The following HEATR4 variants were observed in gnomAD, a reference collection of about 807,000 sequenced individuals.
The protein encoded by HEATR4 is HEAT repeat containing 4.
HEATR4 carries 95 observed loss-of-function variants against 108.8 expected under a neutral mutation model. The ratio of observed to expected loss-of-function variants is 0.87; its 90% CI spans 0.74 to 1.04. HEATR4 has a LOEUF of 1.04. HEATR4 is among the 50% of genes least tolerant of loss of function. The pLI is 0.00. For missense variants in HEATR4, 1,152 were observed against 1,253.8 expected, an observed-to-expected ratio of 0.92 and a Z score of 1.23; for synonymous variants, 443 against 459.4, an observed-to-expected ratio of 0.96 and a Z score of 0.46.
In HEATR4 at chr14:73,498,858, TTTAAC is replaced by T. The variant is rs780748065; in HGVS notation, c.2356+208_2356+212del. On this transcript the variant is annotated intron_variant, in intron 13 of 17. Coordinates refer to ENST00000553558, the MANE Select transcript of HEATR4 (RefSeq NM_001220484.1). ...CAGGGACTGTCTTGTCAGCCCTTTC[TTTAAC>T]TTAAGTTTGACATATACCTAGACTC... Among the ~76,000 whole-genome samples, 8 of 152,332 alleles carry T rather than the reference TTTAAC, an allele frequency of 5.3e-5. No homozygotes were observed. The East Asian group carries it at 7.7e-4, about 15-fold the overall frequency.
intron 3 of HEATR4, 41 bp downstream of exon 3, chr14:73,522,231 A>C: frequency 6.3e-7 from 1 of 1,583,446 alleles, no homozygotes; most frequent in Non-Finnish European, 8.6e-7. Flanking sequence ...AAGGGGAGTC[A>C]GGGATTATCA....
chr14:73,486,713 A>G (rs1476199611), intron 17 of HEATR4, among the ~76,000 whole-genome samples: 1 of 152,134 alleles, frequency 6.6e-6, no homozygotes, highest in Non-Finnish European at 1.5e-5. Context: ...AAAAAAAGAA[A>G]GGAACTTATA....
chr14:73,577,446 C>T, the HEATR4 span, among the ~76,000 whole-genome samples: 1 of 138,048 alleles, frequency 7.2e-6, no homozygotes. Context: ...GCTCTGAAAA[C>T]TCTTAGAGAT....
At chr14:73,574,036 ATTT>A in the HEATR4 span, among the ~76,000 whole-genome samples, 1 of 148,020 alleles carries the variant, frequency 6.8e-6, no homozygotes, top group African/African-American at 2.5e-5. Context: ...TAATATTTGT[ATTT>A]TTTTTTTTTT....
chr14:73,578,132 T>C, the HEATR4 span, among the ~76,000 whole-genome samples: 1 of 151,868 alleles, frequency 6.6e-6, no homozygotes, highest in African/African-American at 2.4e-5. Flanking sequence ...ATTATAGGCG[T>C]GAGCCACCGC....
chr14:73,568,302 A>G, the HEATR4 span, among the ~76,000 whole-genome samples: 1 of 151,874 alleles, frequency 6.6e-6, no homozygotes, highest in Non-Finnish European at 1.5e-5. Context: ...CAGGTAGGAA[A>G]TTATAAAATC....
rs992004025 is a variant in HEATR4, at chr14:73,491,648, G to A, written c.2844+1418C>T. 8 of 1,549,518 alleles carry A rather than the reference G, an allele frequency of 5.2e-6. No individual in the cohort carries two copies. In the African/African-American group the frequency reaches 8.2e-5, roughly 16 times the overall value. On this transcript the variant is annotated intron_variant, in intron 17 of 17. Transcript: ENST00000553558. ...GGCCCGCCTCTTTGAGTGGCTCATCGCGCCCATGCCGCCAGATCACTTTTA... is the reference window on the plus strand; with the variant it reads ...GGCCCGCCTCTTTGAGTGGCTCATCACGCCCATGCCGCCAGATCACTTTTA...
the HEATR4 span, among the ~76,000 whole-genome samples, chr14:73,576,762 C>CTCCA: frequency 9.1e-6 from 1 of 110,014 alleles, no homozygotes; most frequent in African/African-American, 3.4e-5. Flanking sequence ...TGCTACTGTG[C>CTCCA]TCCAGCCTGG....
At position 73,541,151 on chromosome 14, in the gene HEATR4, C is replaced by T. The variant is rs1165364095; in HGVS notation, c.-151-10907G>A. ...ATGAGTAGCCTTTTGAGTCTGTCTCCATTGAATAAGTGCATTCTGTTGAGT... is the reference window on the plus strand; with the variant it reads ...ATGAGTAGCCTTTTGAGTCTGTCTCTATTGAATAAGTGCATTCTGTTGAGT... On this transcript the variant is annotated intron_variant, in intron 1 of 17. Coordinates refer to ENST00000553558, the MANE Select transcript of HEATR4 (RefSeq NM_001220484.1). 1.8e-5 allele frequency among the ~76,000 whole-genome samples: 2 copies of T among 112,188 alleles called. 1 individual carries two copies. Among genetic ancestry groups the T allele is most frequent in the Admixed American group, 2.0e-4 (2 of 10,092 alleles). 73.6% of individuals were successfully genotyped at this position (112,188 alleles called of 152,430 possible).
chr14:73,612,711 G>T, the HEATR4 span: 2 of 1,383,986 alleles, frequency 1.4e-6, no homozygotes, highest in Middle Eastern at 2.6e-4. Context: ...GCGCTCTTCC[G>T]GGCCCACGCG....
At chr14:73,503,061 T>G in intron 10 of HEATR4, 48 bp from the exon 11 acceptor site, 1 of 1,432,436 alleles carries the variant, frequency 7.0e-7, no homozygotes, top group Non-Finnish European at 9.8e-7. Context: ...TGAATGTTAA[T>G]TTTGTGCTTG....
chr14:73,492,294 A>G lies in HEATR4; in HGVS notation c.2844+772T>C. On this transcript the variant is annotated intron_variant, in intron 17 of 17. Coordinates refer to ENST00000553558, the MANE Select transcript of HEATR4 (RefSeq NM_001220484.1). This position sits in a 1 kb window ranked among gnomAD's most constrained non-coding sequence, Gnocchi z 4.9. ...CTCACCTTGTCCACGTACCAGCGCA[A>G]TACCTGGGGTGACTTCTTAGAGGCC... 6.2e-7 allele frequency: 1 copy of G among 1,614,024 alleles called. No homozygotes were observed. The highest frequency in any genetic ancestry group is 8.5e-7 in the Non-Finnish European group (1 of 1,179,908).
At position 73,493,065 on chromosome 14, in the gene HEATR4, C is replaced by T. The variant is rs566207571; in HGVS notation, c.2844+1G>A. On this transcript the variant is annotated splice_donor_variant, in intron 17 of 17. Transcript: ENST00000553558. LOFTEE classifies it high-confidence loss of function. ...ATAAGCATCAGTGTGCTCACATTTA[C>T]CTTTATCACTGCTTCAGTGTCACAA... 11 of 1,603,958 alleles carry T rather than the reference C, an allele frequency of 6.9e-6. No homozygotes were observed. The highest frequency in any genetic ancestry group is 9.3e-6 in the Non-Finnish European group (11 of 1,177,156).
the HEATR4 span, chr14:73,619,150 A>G: frequency 6.8e-7 from 1 of 1,468,982 alleles, no homozygotes. Context: ...AAAAAGAGAA[A>G]GCTACTTGGA....
rs142923203 is a variant in HEATR4, at chr14:73,534,079, C to A, written c.-151-3835G>T. Among the ~76,000 whole-genome samples, 10 of 109,250 alleles carry A rather than the reference C, an allele frequency of 9.2e-5. 1 individual carries two copies. Among genetic ancestry groups the A allele is most frequent in the African/African-American group, 3.0e-4 (10 of 33,636 alleles). 71.7% of individuals were successfully genotyped at this position (109,250 alleles called of 152,430 possible). A position where few individuals can be genotyped will look rare whatever the true frequency, so the allele number is the denominator to read the frequency against. On this transcript the variant is annotated intron_variant, in intron 1 of 17. Transcript: ENST00000553558. ...CCTGGGTGACAGAGCAAGACCTAGT[C>A]TCTAAAAAATAAGAGTTAAGGCCAG...
the HEATR4 span, among the ~76,000 whole-genome samples, chr14:73,606,800 C>T: frequency 6.6e-6 from 1 of 152,194 alleles, no homozygotes; most frequent in African/African-American, 2.4e-5. Flanking sequence ...AGAGATCACA[C>T]AGTGATCTTA....
chr14:73,575,949 T>C, the HEATR4 span, among the ~76,000 whole-genome samples: 4 of 151,482 alleles, frequency 2.6e-5, no homozygotes, highest in Non-Finnish European at 5.9e-5. Flanking sequence ...GTCAGGAGTT[T>C]GAGACCAGTC....
the HEATR4 span, chr14:73,631,460 A>ATGT: frequency 0.24 from 36,928 of 152,536 alleles, 5,371 homozygotes; most frequent in Non-Finnish European, 0.34. Context: ...ATTTGAAAAA[A>ATGT]TGTAGTAGGT....
the HEATR4 span, among the ~76,000 whole-genome samples, chr14:73,592,760 C>G: frequency 5.9e-5 from 9 of 152,092 alleles, no homozygotes; most frequent in Admixed American, 5.9e-4. Context: ...GGCTGAGGCA[C>G]GAGAATCGCT....
Sources: gnomAD v4.1 joint callset for allele counts (sites outside exome capture counted in the v4.1 genomes callset) on GRCh38, gnomAD v4.1.1 for gene constraint, Gnocchi (gnomAD v3.1) non-coding constraint, MANE v1.5 for transcripts, NCBI Gene and HGNC (gene_info 2026-07-23, HGNC 2026-07-21) for gene names.